Variants in SLC11A2 observed in about 807,000 individuals in gnomAD.
The protein encoded by SLC11A2 is natural resistance-associated macrophage protein 2.
A neutral mutation model predicts 68.0 loss-of-function variants in SLC11A2; 38 were observed. The observed-to-expected ratio is 0.56, with a 90% CI of 0.43 to 0.73. SLC11A2 has a LOEUF of 0.73. SLC11A2 is among the 30% of genes least tolerant of loss of function. The pLI, the probability that SLC11A2 is intolerant of heterozygous loss-of-function variation, is 0.00. For synonymous variants in SLC11A2, 242 were observed against 250.6 expected (o/e 0.97, Z 0.32); for missense variants, 517 against 690.5 (o/e 0.75, Z 2.82).
chr12:51,017,917 C>T (rs911159610), intron 1 of SLC11A2, among the ~76,000 whole-genome samples: 7 of 152,106 alleles, frequency 4.6e-5, no homozygotes, highest in Admixed American at 1.3e-4. Context: ...TGAAAATTGT[C>T]CATTCCCTGG....
rs1942633342 is a variant in SLC11A2, at chr12:51,005,376, T to C, written c.244A>G (p.Ile82Val). ...ATATTTCCTGGATCCAGGTAGGCAA[T>C]GCTCATAAGAAAACCTGGTCCGGTG... is the stretch of plus-strand genomic sequence containing the variant. Reference protein sequence around the residue: ...AFTGPGFLMSIAYLDPGNIES... With the variant: ...AFTGPGFLMSVAYLDPGNIES... The change falls in exon 4 of 16, where the codon ATT (isoleucine) becomes GTT (valine). Residue 82 changes from isoleucine to valine, a missense_variant. Coordinates refer to ENST00000262052, the MANE Select transcript of SLC11A2 (RefSeq NM_000617.3). The C allele has an allele frequency of 6.2e-7, 1 of 1,613,994 alleles. No individual in the cohort carries two copies. Among genetic ancestry groups the C allele is most frequent in the Non-Finnish European group, 8.5e-7 (1 of 1,179,912 alleles).
rs775540300 is a variant in SLC11A2 at position 50,992,207 on chromosome 12, C to T, written c.1330G>A (p.Val444Ile). 2.4e-5 allele frequency: 39 copies of T among 1,614,014 alleles called. No homozygotes were observed. Among genetic ancestry groups the T allele is most frequent in the Non-Finnish European group, 3.2e-5 (38 of 1,179,942 alleles). ...CTCCTCACCTGTAAGCTCTGTAGAACATTCAGAAAGTCATTCATCCCTGTT... is the reference window on the plus strand; with the variant it reads ...CTCCTCACCTGTAAGCTCTGTAGAATATTCAGAAAGTCATTCATCCCTGTT... ...HLTGMNDFLN[V>I]LQSLQLPFAL... Residue 444 changes from valine to isoleucine, a missense_variant, in exon 13 of 16, where the codon GTT (valine) becomes ATT (isoleucine). Transcript: ENST00000262052.
Position 50,987,524 on chromosome 12 carries a change from G to T in SLC11A2, c.*801C>A, listed in dbSNP as rs1940710847. 7.8e-7 allele frequency: 1 copy of T among 1,287,032 alleles called. No homozygotes were observed. Among genetic ancestry groups the T allele is most frequent in the Admixed American group, 2.3e-5 (1 of 43,528 alleles). 79.7% of individuals were successfully genotyped at this position (1,287,032 alleles called of 1,614,324 possible). ...ACCCTCCTGGAGAAAGAAAGTTAAG[G>T]TTTTACAACCACATGTGCTCAAGAG... is the stretch of plus-strand genomic sequence containing the variant. On this transcript the variant is annotated 3_prime_UTR_variant, in exon 16 of 16. Coordinates refer to ENST00000262052, the MANE Select transcript of SLC11A2 (RefSeq NM_000617.3).
chr12:50,996,941 A>T lies in SLC11A2; in HGVS notation c.707T>A (p.Val236Glu). The T allele has an allele frequency of 6.2e-7, 1 of 1,614,126 alleles. No individual in the cohort carries two copies. The highest frequency in any genetic ancestry group is 8.5e-7 in the Non-Finnish European group (1 of 1,179,994). The change falls in exon 9 of 16, where the codon GTA becomes GAA. Residue 236 changes from valine (V) to glutamate (E), a missense_variant. By Grantham distance (121) the Val-to-Glu change is moderately radical. Transcript: ENST00000262052. ...YVTVKPSQSQ[V>E]LKGMFVPSCS... ...GGATGGTACGAACATGCCCTTGAGT[A>T]CCTGGCTCTGGCTGGGTTTCACTGT...
rs1565981146 is a variant in SLC11A2, at chr12:50,987,799, T to C, written c.*526A>G. The C allele has an allele frequency of 1.6e-6, 2 of 1,271,406 alleles. No individual in the cohort carries two copies. Among genetic ancestry groups the C allele is most frequent in the Non-Finnish European group, 2.0e-6 (2 of 983,122 alleles). The allele number at this position is 1,271,406 out of a possible 1,614,324, so 78.8% of individuals were successfully genotyped here. A position where few individuals can be genotyped will look rare whatever the true frequency, so the allele number is the denominator to read the frequency against. On this transcript the variant is annotated 3_prime_UTR_variant, in exon 16 of 16. Transcript: ENST00000262052. ...TAAGCCTGATAGAGCTAGGTGTCTC[T>C]TCATTTTATATTTCATATGGATGAA...
rs780029955 is a variant in SLC11A2, at chr12:51,013,902, AC to A, written c.-38-3137del. Among the ~76,000 whole-genome samples, 20 of 151,820 alleles carry A rather than the reference AC, an allele frequency of 1.3e-4. 1 individual carries two copies. In the South Asian group the frequency reaches 4.2e-3, roughly 32 times the overall value. ...AGTGGTGCGATCTTGGCTCACTGCA[AC>A]CTCCGCCTCCCGGGTTCAAGCGATT... is the stretch of plus-strand genomic sequence containing the variant. On this transcript the variant is annotated intron_variant, in intron 1 of 15. Coordinates refer to ENST00000262052, the MANE Select transcript of SLC11A2 (RefSeq NM_000617.3).
chr12:50,965,786 G>C, the SLC11A2 span, among the ~76,000 whole-genome samples: 195 of 152,272 alleles, frequency 1.3e-3, no homozygotes, highest in African/African-American at 4.6e-3. Context: ...ATGAGCACAG[G>C]TCCCCTTTGG....
the SLC11A2 span, chr12:50,954,138 T>A: frequency 8.7e-7 from 1 of 1,149,272 alleles, no homozygotes; most frequent in South Asian, 1.3e-5. Context: ...AATAACACAA[T>A]GATGCCTTAC....
At chr12:51,026,682 G>A (rs1329523618), upstream of SLC11A2, among the ~76,000 whole-genome samples, 3 of 152,096 alleles carry the variant, frequency 2.0e-5, no homozygotes, top group African/African-American at 7.2e-5. Context: ...CTAGTTCGCC[G>A]TGGCGCCACG....
downstream of SLC11A2, among the ~76,000 whole-genome samples, chr12:50,977,379 A>C (rs548962398): frequency 6.6e-6 from 1 of 152,374 alleles, no homozygotes; most frequent in African/African-American, 2.4e-5. Context: ...AAACCTGACA[A>C]AAACGAGAAA....
At chr12:51,009,613 T>C (rs1943038534) in intron 2 of SLC11A2, among the ~76,000 whole-genome samples, 1 of 152,140 alleles carries the variant, frequency 6.6e-6, no homozygotes, top group Non-Finnish European at 1.5e-5. Flanking sequence ...GGAACAGAAA[T>C]TCCAAAGAAG....
At chr12:50,974,941 T>G (rs912678707), downstream of SLC11A2, among the ~76,000 whole-genome samples, 8 of 152,212 alleles carry the variant, frequency 5.3e-5, no homozygotes, top group African/African-American at 1.9e-4. Flanking sequence ...AAGAGCTAAC[T>G]ATCTTAAATA....
chr12:50,966,849 T>C, the SLC11A2 span, among the ~76,000 whole-genome samples: 4 of 152,162 alleles, frequency 2.6e-5, no homozygotes, highest in Non-Finnish European at 5.9e-5. Context: ...TGAATTTGTA[T>C]TGTGATGAGC....
At position 51,010,680 on chromosome 12, in the gene SLC11A2, A is replaced by G. The variant is rs748526935; in HGVS notation, c.34+15T>C. The G allele has an allele frequency of 2.1e-6, 3 of 1,430,354 alleles. No homozygotes were observed. In the Admixed American group the frequency reaches 5.0e-5, roughly 24 times the overall value. 88.6% of individuals were successfully genotyped at this position (1,430,354 alleles called of 1,614,324 possible). ...TACAAATAAAATTAGACAATAACAC[A>G]AAGCGGTAAATTACCATCTGACATC... is the stretch of plus-strand genomic sequence containing the variant. On this transcript the variant is annotated intron_variant, in intron 2 of 15. Coordinates refer to ENST00000262052, the MANE Select transcript of SLC11A2 (RefSeq NM_000617.3).
chr12:50,991,657 T>G lies in SLC11A2; in HGVS notation c.1363A>C (p.Ile455Leu). 6.2e-7 allele frequency: 1 copy of G among 1,613,802 alleles called. No homozygotes were observed. The highest frequency in any genetic ancestry group is 8.5e-7 in the Non-Finnish European group (1 of 1,179,868). The change falls in exon 14 of 16, where the codon ATA (isoleucine) becomes CTA (leucine). Residue 455 changes from isoleucine (I) to leucine (L), a missense_variant. Transcript: ENST00000262052. Reference sequence around the variant, plus strand: ...AAGCTCGTAAATGTGAGGATGGGTATGAGAGCAAAGGGAAGCTGGAAAAGA... The same window carrying G: ...AAGCTCGTAAATGTGAGGATGGGTAGGAGAGCAAAGGGAAGCTGGAAAAGA... Reference protein sequence around the residue: ...LQSLQLPFALIPILTFTSLRP... With the variant: ...LQSLQLPFALLPILTFTSLRP...
At chr12:51,007,804 C>T (rs1942856929) in intron 3 of SLC11A2, among the ~76,000 whole-genome samples, 1 of 152,112 alleles carries the variant, frequency 6.6e-6, no homozygotes. Flanking sequence ...CCATGCCCAG[C>T]TAATTTTTGT....
chr12:51,010,810 C>A, intron 1 of SLC11A2, 44 bp from the exon 2 acceptor site: 1 of 1,111,734 alleles, frequency 9.0e-7, no homozygotes, highest in South Asian at 1.3e-5. Flanking sequence ...GAAGAACAAA[C>A]TAACAAGTTC....
rs1185975315 is a variant in SLC11A2 at position 50,987,585 on chromosome 12, G to C, written c.*740C>G. 7.8e-7 allele frequency: 1 copy of C among 1,287,140 alleles called. No homozygotes were observed. The highest frequency in any genetic ancestry group is 2.3e-5 in the Admixed American group (1 of 43,550). 79.7% of individuals were successfully genotyped at this position (1,287,140 alleles called of 1,614,324 possible). A position where few individuals can be genotyped will look rare whatever the true frequency, so the allele number is the denominator to read the frequency against. ...CAGGAAAGCTCTGTACTAACAGGCA[G>C]GTTATTAAGACTCCCAAGAAATCCT... is the stretch of plus-strand genomic sequence containing the variant. On this transcript the variant is annotated 3_prime_UTR_variant, in exon 16 of 16. Transcript: ENST00000262052.
At position 50,994,519 on chromosome 12, in the gene SLC11A2, A is replaced by G. The variant is rs753716345; in HGVS notation, c.1077+25T>C. Reference sequence around the variant, plus strand: ...GCTAAAAATACTGATTCAGGAACAAAGATCACAAATCCAAACATGCTTACC... The same window carrying G: ...GCTAAAAATACTGATTCAGGAACAAGGATCACAAATCCAAACATGCTTACC... On this transcript the variant is annotated intron_variant, in intron 11 of 15. Coordinates refer to ENST00000262052, the MANE Select transcript of SLC11A2 (RefSeq NM_000617.3). The G allele has an allele frequency of 5.5e-6, 8 of 1,466,286 alleles. No individual in the cohort carries two copies. The African/African-American group carries it at 8.3e-5, about 15-fold the overall frequency. 90.8% of individuals were successfully genotyped at this position (1,466,286 alleles called of 1,614,324 possible).
Sources: gnomAD v4.1 joint callset for allele counts (sites outside exome capture counted in the v4.1 genomes callset) on GRCh38, gnomAD v4.1.1 for gene constraint, MANE v1.5 for transcripts, NCBI Gene and HGNC (gene_info 2026-07-23, HGNC 2026-07-21) for gene names.